Variants in ARL15 observed in about 807,000 individuals in gnomAD.
ARL15 encodes the protein ADP-ribosylation factor-like protein 15.
A neutral mutation model predicts 25.2 loss-of-function variants in ARL15; 19 were observed. The observed-to-expected ratio is 0.75, with a 90% CI of 0.53 to 1.10. ARL15 has a LOEUF of 1.10. ARL15 is among the 50% of genes least tolerant of loss of function. ARL15 has a pLI of 0.00. For missense variants in ARL15, 220 were observed against 246.0 expected, an observed-to-expected ratio of 0.89 and a Z score of 0.71; for synonymous variants, 94 against 86.8, an observed-to-expected ratio of 1.08 and a Z score of -0.46.
chr5:54,189,609 G>A (rs961326168), intron 1 of ARL15, among the ~76,000 whole-genome samples: 5 of 152,086 alleles, frequency 3.3e-5, no homozygotes, highest in African/African-American at 7.2e-5. Flanking sequence ...GAATAAAGTT[G>A]TACCCTTACC....
chr5:54,092,372 G>C (rs1273293247), intron 4 of ARL15, among the ~76,000 whole-genome samples: 1 of 151,764 alleles, frequency 6.6e-6, no homozygotes, highest in African/African-American at 2.4e-5. Flanking sequence ...AGAATAAATG[G>C]ATGGGTGAAA....
intron 1 of ARL15, among the ~76,000 whole-genome samples, chr5:54,236,818 T>G (rs1197630825): frequency 6.6e-6 from 1 of 152,230 alleles, no homozygotes; most frequent in Non-Finnish European, 1.5e-5. Flanking sequence ...GACATTTGTC[T>G]AAAGTGAAAA....
intron 3 of ARL15, among the ~76,000 whole-genome samples, chr5:54,113,754 A>G (rs887927454): frequency 6.6e-6 from 1 of 152,180 alleles, no homozygotes; most frequent in Non-Finnish European, 1.5e-5. Flanking sequence ...CAAATGAACT[A>G]CACACTCTCT....
rs1303308339 is a variant in ARL15 at position 54,002,589 on chromosome 5, C to G, written c.462+110613G>C. The stretch of plus-strand genomic sequence containing the variant: ...TACTTTATTCACACTGTGACTAAAC[C>G]TAGCGCACTGCCAAAAAATAGGATT... On this transcript the variant is annotated intron_variant, in intron 4 of 4. Coordinates refer to ENST00000504924, the MANE Select transcript of ARL15 (RefSeq NM_019087.3). Among the ~76,000 whole-genome samples the G allele has an allele frequency of 4.6e-5, 7 of 152,084 alleles. 1 individual carries two copies. The highest frequency in any genetic ancestry group is 3.9e-4 in the Admixed American group (6 of 15,272).
chr5:53,947,095 G>A lies in ARL15; in HGVS notation c.463-60382C>T, dbSNP rs562028224. On this transcript the variant is annotated intron_variant, in intron 4 of 4. Coordinates refer to ENST00000504924, the MANE Select transcript of ARL15 (RefSeq NM_019087.3). ...CTTAGTTGGTGCTAACATGAGGTTC[G>A]CTAGTCTGTATCAGAGTTTACTGTA... Among the ~76,000 whole-genome samples, 4 of 151,624 alleles carry A rather than the reference G, an allele frequency of 2.6e-5. No homozygotes were observed. The East Asian group carries it at 5.9e-4, about 22-fold the overall frequency.
At chr5:53,963,374 G>GT (rs1747432532) in intron 4 of ARL15, among the ~76,000 whole-genome samples, 1 of 152,190 alleles carries the variant, frequency 6.6e-6, no homozygotes, top group African/African-American at 2.4e-5. Context: ...GTGTTTCCCA[G>GT]TAGGAGCCAG....
At chr5:54,067,699 T>C (rs1161610968) in intron 4 of ARL15, among the ~76,000 whole-genome samples, 2 of 152,198 alleles carry the variant, frequency 1.3e-5, no homozygotes, top group South Asian at 2.1e-4. Flanking sequence ...GCATGAACCA[T>C]CGTCTTGGTA....
At chr5:54,053,426 A>G (rs935838113) in intron 4 of ARL15, among the ~76,000 whole-genome samples, 2 of 152,216 alleles carry the variant, frequency 1.3e-5, no homozygotes, top group Non-Finnish European at 2.9e-5. Flanking sequence ...AAAGTAAAGC[A>G]TAACTACTCT....
intron 4 of ARL15, among the ~76,000 whole-genome samples, chr5:53,984,540 T>C (rs1748226865): frequency 6.6e-6 from 1 of 152,060 alleles, no homozygotes; most frequent in South Asian, 2.1e-4. Context: ...GTTGATAGAG[T>C]GATGCCTTTT....
At chr5:54,142,757 A>G (rs776428457) in intron 3 of ARL15, among the ~76,000 whole-genome samples, 5 of 152,174 alleles carry the variant, frequency 3.3e-5, no homozygotes, top group African/African-American at 4.8e-5. Context: ...AAATGAGTCT[A>G]CTGGAAGTGA....
chr5:54,297,950 T>C (rs1758509121), intron 1 of ARL15, among the ~76,000 whole-genome samples: 1 of 152,138 alleles, frequency 6.6e-6, no homozygotes, highest in African/African-American at 2.4e-5. Context: ...GCCCGGCTAA[T>C]TTTTGTATTT....
intron 1 of ARL15, among the ~76,000 whole-genome samples, chr5:54,250,519 G>A (rs931961451): frequency 2.6e-5 from 4 of 152,234 alleles, no homozygotes; most frequent in African/African-American, 7.2e-5. Flanking sequence ...TGATTGTGCA[G>A]TCTCTGAAGT....
At chr5:54,088,861 G>C (rs1314677522) in intron 4 of ARL15, among the ~76,000 whole-genome samples, 1 of 152,260 alleles carries the variant, frequency 6.6e-6, no homozygotes, top group African/African-American at 2.4e-5. Flanking sequence ...AGTGAATTTT[G>C]TAGCAGCAAA....
chr5:54,106,069 G>A (rs1017288442), intron 4 of ARL15, among the ~76,000 whole-genome samples: 8 of 152,012 alleles, frequency 5.3e-5, no homozygotes, highest in African/African-American at 1.9e-4. Flanking sequence ...GAGGGATTTT[G>A]GAAAGAGAAT....
intron 1 of ARL15, among the ~76,000 whole-genome samples, chr5:54,274,638 C>A (rs571087601): frequency 6.6e-6 from 1 of 152,280 alleles, no homozygotes; most frequent in African/African-American, 2.4e-5. Flanking sequence ...GCGGCTCATG[C>A]CTGTAATCCC....
chr5:54,042,005 T>C lies in ARL15; in HGVS notation c.462+71197A>G, dbSNP rs544309645. ...TTTTTTTTTGAGACGGAGTCTCGCT[T>C]TGTCGCCCAGGCTGGAGTGCAGTGG... On this transcript the variant is annotated intron_variant, in intron 4 of 4. Transcript: ENST00000504924. Among the ~76,000 whole-genome samples, 788 of 151,776 alleles carry C rather than the reference T, an allele frequency of 5.2e-3. 3 individuals carry two copies. Among genetic ancestry groups the C allele is most frequent in the Admixed American group, 0.011 (171 of 15,232 alleles).
At chr5:54,243,929 A>G (rs1757021924) in intron 1 of ARL15, among the ~76,000 whole-genome samples, 1 of 152,224 alleles carries the variant, frequency 6.6e-6, no homozygotes, top group Non-Finnish European at 1.5e-5. Flanking sequence ...TCTCTAAAGA[A>G]GCTCAAAGTT....
At chr5:54,112,523 T>C (rs2112215687) in intron 4 of ARL15, among the ~76,000 whole-genome samples, 1 of 152,336 alleles carries the variant, frequency 6.6e-6, no homozygotes, top group African/African-American at 2.4e-5. Context: ...TGTACTTACG[T>C]TATAATTCAC....
At chr5:54,069,368 G>A (rs992521445) in intron 4 of ARL15, among the ~76,000 whole-genome samples, 8 of 151,706 alleles carry the variant, frequency 5.3e-5, no homozygotes, top group Admixed American at 5.3e-4. Flanking sequence ...GTCAGGAGTT[G>A]GAGACCAGCC....
Sources: allele counts gnomAD v4.1 joint callset (sites outside exome capture counted in the v4.1 genomes callset), GRCh38; gene constraint gnomAD v4.1.1; transcripts MANE v1.5; gene names NCBI Gene and HGNC (gene_info 2026-07-23, HGNC 2026-07-21).